Variants in LARGE1 observed in about 807,000 individuals in gnomAD.
LARGE1 encodes xylosyl- and glucuronyltransferase LARGE1.
LARGE1 carries 43 observed loss-of-function variants against 87.6 expected under a neutral mutation model. The ratio of observed to expected loss-of-function variants is 0.49; its 90% CI spans 0.38 to 0.63. LARGE1 has a LOEUF of 0.63. LARGE1 is among the 30% of genes least tolerant of loss of function. The pLI is 0.00. For missense variants in LARGE1, 802 were observed against 1,000.2 expected (o/e 0.80, Z 2.67); for synonymous variants, 434 against 394.6 (o/e 1.10, Z -1.18).
At chr22:33,349,692 A>C (rs1940173131) in intron 9 of LARGE1, among the ~76,000 whole-genome samples, 1 of 152,234 alleles carries the variant, frequency 6.6e-6, no homozygotes, top group African/African-American at 2.4e-5. Flanking sequence ...TACTGCTATT[A>C]AATAAAAATT....
At chr22:33,408,432 C>T (rs1324402011) in intron 7 of LARGE1, among the ~76,000 whole-genome samples, 2 of 152,148 alleles carry the variant, frequency 1.3e-5, no homozygotes, top group Non-Finnish European at 2.9e-5. Flanking sequence ...TGTGTAAGGT[C>T]GTGAGGTGTT....
chr22:33,182,095 T>C (rs1481273258), intron 11 of LARGE1, among the ~76,000 whole-genome samples: 4 of 152,140 alleles, frequency 2.6e-5, no homozygotes, highest in Non-Finnish European at 5.9e-5. Context: ...GCACTGGGAT[T>C]ATAGGCGTGA....
intron 2 of LARGE1, among the ~76,000 whole-genome samples, chr22:33,744,597 A>G (rs1000062361): frequency 6.6e-6 from 1 of 152,088 alleles, no homozygotes; most frequent in Non-Finnish European, 1.5e-5. Flanking sequence ...CTGGCCCTAC[A>G]GGGCCCTATT....
chr22:33,332,223 T>G (rs1355512635), intron 10 of LARGE1, among the ~76,000 whole-genome samples: 1 of 152,130 alleles, frequency 6.6e-6, no homozygotes, highest in East Asian at 1.9e-4. Flanking sequence ...GTTAACTGAA[T>G]CATGGGGGCA....
intron 12 of LARGE1, among the ~76,000 whole-genome samples, chr22:33,287,292 AAGC>A (rs2145938645): frequency 6.6e-6 from 1 of 152,334 alleles, no homozygotes; most frequent in South Asian, 2.1e-4. Context: ...GGAAGACCCA[AAGC>A]AGACAGACTC....
intron 1 of LARGE1, among the ~76,000 whole-genome samples, chr22:33,915,500 A>G (rs1383224525): frequency 6.6e-6 from 1 of 152,176 alleles, no homozygotes; most frequent in African/African-American, 2.4e-5. Context: ...TAATGACATA[A>G]TGAAAGTGCC....
At chr22:33,722,883 G>C (rs73170546) in intron 2 of LARGE1, among the ~76,000 whole-genome samples, 5,323 of 152,202 alleles carry the variant, frequency 0.035, 110 homozygotes, top group African/African-American at 0.053. Context: ...GATTGGGGTC[G>C]CAAGTGGGAG....
At chr22:33,169,858 G>GA (rs910362962) in intron 11 of LARGE1, among the ~76,000 whole-genome samples, 23 of 146,204 alleles carry the variant, frequency 1.6e-4, no homozygotes, top group African/African-American at 4.5e-4. Context: ...CTCAAAAAAG[G>GA]AAAAAAAAAA....
chr22:33,771,577 G>A (rs190538362), intron 1 of LARGE1, among the ~76,000 whole-genome samples: 1 of 151,922 alleles, frequency 6.6e-6, no homozygotes, highest in African/African-American at 2.4e-5. Flanking sequence ...TTCAATGTGG[G>A]ATCCACACTT....
chr22:33,879,318 T>G (rs1462931568), intron 1 of LARGE1, among the ~76,000 whole-genome samples: 2 of 152,180 alleles, frequency 1.3e-5, no homozygotes, highest in Non-Finnish European at 2.9e-5. Context: ...AGGGCTGTAA[T>G]GTTCAGGAGG....
intron 2 of LARGE1, among the ~76,000 whole-genome samples, chr22:33,670,217 GTCCCTTTCCCTATCAA>G (rs1297238259): frequency 3.3e-5 from 5 of 151,876 alleles, no homozygotes; most frequent in African/African-American, 1.2e-4. Flanking sequence ...TCACTACAGA[GTCCCTTTCCCTATCAA>G]TCACTATAAA....
intron 2 of LARGE1, among the ~76,000 whole-genome samples, chr22:33,702,820 C>G (rs1419546975): frequency 6.6e-6 from 1 of 152,026 alleles, no homozygotes; most frequent in Non-Finnish European, 1.5e-5. Flanking sequence ...GATGTGTAGG[C>G]TCAAGATATT....
intron 9 of LARGE1, among the ~76,000 whole-genome samples, chr22:33,357,187 C>T (rs1039837664): frequency 7.2e-5 from 11 of 151,976 alleles, no homozygotes; most frequent in Non-Finnish European, 1.5e-4. Context: ...TACTATTCAG[C>T]CATGAAAAGG....
Position 33,273,892 on chromosome 22 carries a change from C to G in LARGE1, c.*535G>C. On this transcript the variant is annotated 3_prime_UTR_variant, in exon 15 of 15. Coordinates refer to ENST00000397394, the MANE Select transcript of LARGE1 (RefSeq NM_133642.5). ...TCCAGGACCCTCTGGTTACAATGTC[C>G]CCATTGGGTTTTTCCAAGTGGTTGG... The G allele has an allele frequency of 5.4e-6, 2 of 373,816 alleles. No individual in the cohort carries two copies. Among genetic ancestry groups the G allele is most frequent in the Non-Finnish European group, 9.5e-6 (2 of 210,076 alleles). 23.2% of individuals were successfully genotyped at this position (373,816 alleles called of 1,614,324 possible). A position where few individuals can be genotyped will look rare whatever the true frequency, so the allele number is the denominator to read the frequency against.
intron 1 of LARGE1, among the ~76,000 whole-genome samples, chr22:33,888,238 T>C (rs934610252): frequency 2.0e-5 from 3 of 150,692 alleles, no homozygotes; most frequent in South Asian, 2.1e-4. Flanking sequence ...TTAGATGACA[T>C]CAAAAGGTCA....
At chr22:33,838,089 G>C (rs949900611) in intron 1 of LARGE1, among the ~76,000 whole-genome samples, 6 of 152,174 alleles carry the variant, frequency 3.9e-5, no homozygotes, top group African/African-American at 4.8e-5. Context: ...TAATTTTCAC[G>C]TGCTACAGAA....
intron 12 of LARGE1, among the ~76,000 whole-genome samples, chr22:33,303,506 A>T (rs1471621746): frequency 6.6e-6 from 1 of 152,240 alleles, no homozygotes; most frequent in Non-Finnish European, 1.5e-5. Flanking sequence ...CACTTCCATA[A>T]GCACTAGGCA....
At chr22:33,778,281 ATT>A (rs2085310687) in intron 1 of LARGE1, among the ~76,000 whole-genome samples, 1 of 152,146 alleles carries the variant, frequency 6.6e-6, no homozygotes, top group Non-Finnish European at 1.5e-5. Context: ...ATACCCCCTG[ATT>A]TGAGCCACAT....
At chr22:33,305,584 C>G in intron 11 of LARGE1, 1 of 985,246 alleles carries the variant, frequency 1.0e-6, no homozygotes, top group Non-Finnish European at 1.2e-6. Context: ...CCACTTTATT[C>G]GGACGATTAC....
Sources: gnomAD v4.1 joint callset for allele counts (sites outside exome capture counted in the v4.1 genomes callset) on GRCh38, gnomAD v4.1.1 for gene constraint, MANE v1.5 for transcripts, NCBI Gene and HGNC (gene_info 2026-07-23, HGNC 2026-07-21) for gene names.